The following ASH2L variants were observed in gnomAD, a reference collection of about 807,000 sequenced individuals.
ASH2L encodes ASH2 like, histone lysine methyltransferase complex subunit.
Under a neutral mutation model 81.1 loss-of-function variants are expected in ASH2L, and 30 were observed. The observed-to-expected ratio is 0.37, with a 90% CI of 0.28 to 0.50. ASH2L has a LOEUF of 0.50. Ranked by LOEUF, ASH2L falls within the 20% of genes least tolerant of loss-of-function variation. The pLI is 0.95. For missense variants in ASH2L, 559 were observed against 792.1 expected (o/e 0.71, Z 3.53); for synonymous variants, 273 against 279.9 (o/e 0.98, Z 0.24).
chr8:38,138,093 C>T (rs1042168857), intron 14 of ASH2L: 1 of 152,132 alleles, frequency 6.6e-6, no homozygotes, highest in Non-Finnish European at 1.5e-5. Context: ...GCCTGGGCAA[C>T]ATAGCAAAAC....
intron 3 of ASH2L, 111 bp from the exon 4 acceptor site, chr8:38,110,268 C>A: frequency 1.3e-6 from 1 of 799,310 alleles, no homozygotes. Flanking sequence ...GCTATGATTG[C>A]ACCACTGCAC....
chr8:38,111,615 TA>T (rs957911441), intron 5 of ASH2L, among the ~76,000 whole-genome samples: 8 of 149,546 alleles, frequency 5.3e-5, no homozygotes, highest in Admixed American at 1.3e-4. Context: ...AGAACTCCCG[TA>T]CTCAAGTGAT....
chr8:38,115,130 CA>C, intron 7 of ASH2L, 130 bp downstream of exon 7: 7 of 627,926 alleles, frequency 1.1e-5, no homozygotes, highest in Non-Finnish European at 2.0e-5. Context: ...TGGTGGACTC[CA>C]AAAAAATAGT....
chr8:38,106,204 T>C (rs1010041302), intron 1 of ASH2L, 174 bp from the exon 2 acceptor site: 29 of 1,458,820 alleles, frequency 2.0e-5, no homozygotes, highest in Non-Finnish European at 2.5e-5. Context: ...CTGTCTGACA[T>C]GTCCACCTTC....
At chr8:38,116,530 C>A in intron 7 of ASH2L, 120 bp from the exon 8 acceptor site, 1 of 793,620 alleles carries the variant, frequency 1.3e-6, no homozygotes. Context: ...AAGGCCCCAT[C>A]TCAGAAAAAA....
intron 14 of ASH2L, among the ~76,000 whole-genome samples, chr8:38,136,321 C>G (rs1419194924): frequency 6.6e-6 from 1 of 150,794 alleles, no homozygotes; most frequent in Admixed American, 6.6e-5. Context: ...TCTCCCAGCT[C>G]AGCCTCCCAA....
chr8:38,125,011 C>G (rs77163783), intron 10 of ASH2L, among the ~76,000 whole-genome samples: 1,523 of 152,218 alleles, frequency 0.01, 29 homozygotes, highest in South Asian at 0.079. Flanking sequence ...TTTTAACAAC[C>G]AGCTCCTCAG....
At chr8:38,126,432 T>C (rs1801846158) in intron 10 of ASH2L, among the ~76,000 whole-genome samples, 1 of 152,090 alleles carries the variant, frequency 6.6e-6, no homozygotes, top group Non-Finnish European at 1.5e-5. Flanking sequence ...TTTAAGAAGG[T>C]CCATGGATTA....
chr8:38,108,322 G>A (rs1394513286), intron 3 of ASH2L, among the ~76,000 whole-genome samples: 1 of 152,126 alleles, frequency 6.6e-6, no homozygotes, highest in African/African-American at 2.4e-5. Flanking sequence ...GCCTAAGATA[G>A]GGCCACTTTT....
chr8:38,120,591 C>T (rs1223944942), intron 9 of ASH2L, among the ~76,000 whole-genome samples: 1 of 139,264 alleles, frequency 7.2e-6, no homozygotes, highest in Non-Finnish European at 1.6e-5. Context: ...GACTATCACC[C>T]TAATCACCCC....
At chr8:38,131,600 C>T (rs1802058481) in intron 12 of ASH2L, among the ~76,000 whole-genome samples, 1 of 152,138 alleles carries the variant, frequency 6.6e-6, no homozygotes, top group African/African-American at 2.4e-5. Flanking sequence ...GAGCCAAGAT[C>T]ATGCCAGTGA....
chr8:38,116,918 C>G (rs1810926890), intron 8 of ASH2L, among the ~76,000 whole-genome samples, 193 bp downstream of exon 8: 1 of 152,202 alleles, frequency 6.6e-6, no homozygotes, highest in Non-Finnish European at 1.5e-5. Context: ...TGTCACTTTA[C>G]AACAGTTTGG....
chr8:38,135,830 C>A, intron 14 of ASH2L, 64 bp downstream of exon 14: 1 of 1,296,054 alleles, frequency 7.7e-7, no homozygotes. Flanking sequence ...GTTGTGATGA[C>A]AAAGTTACTG....
At chr8:38,110,328 AGT>A (rs754391938) in intron 3 of ASH2L, 49 bp from the exon 4 acceptor site, 20 of 1,371,772 alleles carry the variant, frequency 1.5e-5, no homozygotes, top group Non-Finnish European at 2.0e-5. Context: ...AAGAAAAAGA[AGT>A]GTGTGTGTTC....
intron 12 of ASH2L, among the ~76,000 whole-genome samples, chr8:38,129,487 G>T (rs77660336): frequency 0.015 from 2,349 of 152,130 alleles, 58 homozygotes; most frequent in African/African-American, 0.054. Context: ...AAAAAGTGCC[G>T]ATAGTCCCAG....
intron 14 of ASH2L, 31 bp downstream of exon 14, chr8:38,135,797 A>G (rs915448961): frequency 3.3e-6 from 5 of 1,520,056 alleles, no homozygotes. Context: ...CATGAGCAAA[A>G]CTTGAGGGAA....
intron 8 of ASH2L, among the ~76,000 whole-genome samples, chr8:38,118,399 T>A (rs186156076): frequency 6.6e-6 from 1 of 152,214 alleles, no homozygotes; most frequent in Admixed American, 6.5e-5. Context: ...GAATTTGAAC[T>A]GGACAAAAAT....
rs957167695 is a variant in ASH2L, at chr8:38,137,257, C to T, written c.1719+1491C>T. 4.7e-5 allele frequency among the ~76,000 whole-genome samples: 7 copies of T among 149,646 alleles called. No individual in the cohort carries two copies. In the East Asian group the frequency reaches 5.9e-4, roughly 13 times the overall value. On this transcript the variant is annotated intron_variant, in intron 14 of 15. Transcript: ENST00000343823. ...CTCTACTAAAAATACAAAAATTAGC[C>T]GGGCATCGGCCGGGTGTGGCGGCTC...
intron 2 of ASH2L, 140 bp from the exon 3 acceptor site, chr8:38,106,881 A>G: frequency 3.1e-6 from 3 of 965,774 alleles, no homozygotes; most frequent in Non-Finnish European, 4.5e-6. Flanking sequence ...CTGTAATCCC[A>G]GCACTTTGGG....
Sources: allele counts gnomAD v4.1 joint callset (sites outside exome capture counted in the v4.1 genomes callset), GRCh38; gene constraint gnomAD v4.1.1; transcripts MANE v1.5; gene names NCBI Gene and HGNC (gene_info 2026-07-23, HGNC 2026-07-21).